The following GPLD1 variants were observed in gnomAD, a reference collection of about 807,000 sequenced individuals.
GPLD1 encodes phosphatidylinositol-glycan-specific phospholipase D.
A neutral mutation model predicts 112.6 loss-of-function variants in GPLD1; 84 were observed. The observed-to-expected ratio is 0.75, with a 90% CI of 0.63 to 0.89. The LOEUF is 0.89. Among genes scored for constraint, GPLD1 ranks in the 40% least tolerant of loss-of-function variants. The pLI, the probability that GPLD1 is intolerant of heterozygous loss-of-function variation, is 0.00. For synonymous variants in GPLD1, 386 were observed against 403.8 expected (o/e 0.96, Z 0.53); for missense variants, 1,044 against 1,051.5 (o/e 0.99, Z 0.10).
At chr6:24,453,893 C>T in intron 14 of GPLD1, 122 bp downstream of exon 14, 1 of 674,172 alleles carries the variant, frequency 1.5e-6, no homozygotes, top group South Asian at 1.9e-5. Context: ...CACAAATGTA[C>T]ACCACCAGCT....
chr6:24,434,154 T>C (rs1355151071), intron 22 of GPLD1, among the ~76,000 whole-genome samples: 2 of 152,012 alleles, frequency 1.3e-5, no homozygotes, highest in African/African-American at 4.8e-5. Flanking sequence ...TCCCAGCACT[T>C]TGGGAGGCTG....
In GPLD1 at chr6:24,495,008, C is replaced by G. The variant is rs764183507; in HGVS notation, n.198G>C. 5 of 1,325,906 alleles carry G rather than the reference C, an allele frequency of 3.8e-6. No individual in the cohort carries two copies. In the South Asian group the frequency reaches 1.3e-4, roughly 33 times the overall value. The allele number at this position is 1,325,906 out of a possible 1,614,324, so 82.1% of individuals were successfully genotyped here. The stretch of plus-strand genomic sequence containing the variant: ...TCGTTGCCCGGGCCATGGCGACCTG[C>G]ATTTGGCTGCGGAGCTGTGGGGCCC... On this transcript the variant is annotated non_coding_transcript_exon_variant, in exon 1 of 11. Transcript: ENST00000474784.
intron 7 of GPLD1, among the ~76,000 whole-genome samples, chr6:24,468,755 C>CCTGG (rs1309102134): frequency 1.3e-5 from 2 of 152,142 alleles, no homozygotes; most frequent in Non-Finnish European, 2.9e-5. Flanking sequence ...AACCTGCGAC[C>CCTGG]CTGGTGTCAT....
chr6:24,451,111 C>T (rs1284714777), intron 14 of GPLD1, among the ~76,000 whole-genome samples: 2 of 152,248 alleles, frequency 1.3e-5, no homozygotes, highest in African/African-American at 4.8e-5. Flanking sequence ...ACATTCCTAT[C>T]AGTGCAGAAA....
At chr6:24,472,023 G>A (rs1162542427) in intron 7 of GPLD1, among the ~76,000 whole-genome samples, 3 of 152,208 alleles carry the variant, frequency 2.0e-5, no homozygotes, top group South Asian at 2.1e-4. Flanking sequence ...AACTGTGAAA[G>A]ACATTTGTAA....
chr6:24,479,543 T>G (rs967116667), intron 3 of GPLD1, among the ~76,000 whole-genome samples: 1 of 152,198 alleles, frequency 6.6e-6, no homozygotes, highest in Admixed American at 6.5e-5. Flanking sequence ...AGTGACTTTT[T>G]TAAGATCACA....
chr6:24,433,780 C>T (rs934592700), intron 22 of GPLD1, among the ~76,000 whole-genome samples: 9 of 152,110 alleles, frequency 5.9e-5, no homozygotes, highest in Non-Finnish European at 1.2e-4. Flanking sequence ...CAGGCATGAG[C>T]CACCACGCCC....
intron 5 of GPLD1, among the ~76,000 whole-genome samples, chr6:24,474,128 AAAAC>A (rs201040187): frequency 0.03 from 4,518 of 148,932 alleles, 145 homozygotes; most frequent in African/African-American, 0.073. Context: ...CTCCATCTCA[AAAAC>A]AAACAAACAA....
intron 4 of GPLD1, 63 bp downstream of exon 4, chr6:24,476,118 T>C (rs572686529): frequency 1.2e-6 from 1 of 867,260 alleles, no homozygotes; most frequent in Admixed American, 2.0e-5. Flanking sequence ...TCAATGCGGG[T>C]GCAAACACAG....
chr6:24,444,266 T>G (rs1264456397), intron 20 of GPLD1, among the ~76,000 whole-genome samples: 2 of 152,134 alleles, frequency 1.3e-5, no homozygotes, highest in Admixed American at 1.3e-4. Flanking sequence ...AAAAATGCAA[T>G]GCAGATATCA....
In GPLD1 at chr6:24,473,632, C is replaced by G. The variant is rs770388401; in HGVS notation, c.477G>C (p.Ser159=). ...AATAAACAGTACCAAAATCACCAGC[C>G]GAATGAGCCTCTGAATAGGAGCCGT... The part of the protein sequence containing the change: ...DFHGSYSEAH[S]AGDFGGDVLS... The change falls in exon 6 of 25, where the codon TCG becomes TCC. Residue 159 remains serine, a synonymous_variant. Transcript: ENST00000230036. 2 of 1,606,782 alleles carry G rather than the reference C, an allele frequency of 1.2e-6. No individual in the cohort carries two copies. The highest frequency in any genetic ancestry group is 2.2e-5 in the South Asian group (2 of 90,824).
intron 10 of GPLD1, among the ~76,000 whole-genome samples, chr6:24,464,210 T>C (rs1001489056): frequency 6.6e-6 from 1 of 152,222 alleles, no homozygotes; most frequent in Non-Finnish European, 1.5e-5. Context: ...ACCCTTTACA[T>C]GACTGATCTA....
chr6:24,453,774 C>A (rs1462666013), intron 14 of GPLD1, among the ~76,000 whole-genome samples: 2 of 151,826 alleles, frequency 1.3e-5, no homozygotes, highest in Non-Finnish European at 2.9e-5. Flanking sequence ...CACATCCCAA[C>A]TGGCCACTCA....
chr6:24,468,701 G>A (rs932347044), intron 7 of GPLD1, among the ~76,000 whole-genome samples: 14 of 152,094 alleles, frequency 9.2e-5, no homozygotes, highest in African/African-American at 2.7e-4. Context: ...CTACAGGCAT[G>A]CGCCACCATG....
At chr6:24,437,055 A>G in intron 21 of GPLD1, 58 bp downstream of exon 21, 3 of 1,481,284 alleles carry the variant, frequency 2.0e-6, no homozygotes, top group Non-Finnish European at 2.8e-6. Flanking sequence ...CAATTAGGGG[A>G]CCCACCCCCT....
At chr6:24,466,573 G>A in intron 10 of GPLD1, 107 bp downstream of exon 10, 1 of 833,072 alleles carries the variant, frequency 1.2e-6, no homozygotes, top group South Asian at 1.7e-5. Flanking sequence ...TCATGAGATT[G>A]TTTTGTTTTG....
rs533122531 is a variant in GPLD1 at position 24,461,671 on chromosome 6, C to T, written c.887+1059G>A. Among the ~76,000 whole-genome samples the T allele has an allele frequency of 4.3e-4, 65 of 152,290 alleles. 1 individual carries two copies. The highest frequency in any genetic ancestry group is 1.3e-3 in the African/African-American group (54 of 41,550). Reference sequence around the variant, plus strand: ...GAACCCTCCTGTGCCCAGGCCAGGACGCTTGCAAATCCCCAGAGCACCTTG... The same window carrying T: ...GAACCCTCCTGTGCCCAGGCCAGGATGCTTGCAAATCCCCAGAGCACCTTG... On this transcript the variant is annotated intron_variant, in intron 11 of 24. Transcript: ENST00000230036.
chr6:24,476,411 G>C, intron 3 of GPLD1, 133 bp from the exon 4 acceptor site: 2 of 591,662 alleles, frequency 3.4e-6, no homozygotes, highest in South Asian at 2.1e-5. Context: ...TTCTTCTGTC[G>C]ACTTTCAAAA....
At chr6:24,470,132 T>G (rs9461024) in intron 7 of GPLD1, among the ~76,000 whole-genome samples, 11,003 of 151,792 alleles carry the variant, frequency 0.072, 1,159 homozygotes, top group African/African-American at 0.23. Context: ...ACGGTTTTTT[T>G]TTTGTTTGTT....
Sources: allele counts gnomAD v4.1 joint callset (sites outside exome capture counted in the v4.1 genomes callset), GRCh38; gene constraint gnomAD v4.1.1; transcripts MANE v1.5; gene names NCBI Gene and HGNC (gene_info 2026-07-23, HGNC 2026-07-21).